ZNF331: variants seen among roughly 807,000 people sequenced by gnomAD.
ZNF331 encodes the protein C2H2-like zinc finger protein rearranged in thyroid adenomas.
Under a neutral mutation model 7.0 loss-of-function variants are expected in ZNF331, and 2 were observed. The ratio of observed to expected loss-of-function variants is 0.29; its 90% confidence interval spans 0.12 to 0.90. ZNF331 has a LOEUF of 0.90. Ranked by LOEUF, ZNF331 falls within the 40% of genes least tolerant of loss-of-function variation. ZNF331 has a pLI of 0.58. For missense variants in ZNF331, 432 were observed against 587.7 expected (o/e 0.74, Z 2.74); for synonymous variants, 196 against 205.4 (o/e 0.95, Z 0.39).
intron 3 of ZNF331, among the ~76,000 whole-genome samples, chr19:53,567,761 C>T (rs1313570669): frequency 2.0e-5 from 3 of 151,364 alleles, no homozygotes; most frequent in Admixed American, 2.0e-4. Context: ...GAGGATTGCT[C>T]GAGCCCAGGA....
At chr19:53,522,898 G>A (rs1457331617) in intron 2 of ZNF331, among the ~76,000 whole-genome samples, 2 of 152,194 alleles carry the variant, frequency 1.3e-5, no homozygotes, top group African/African-American at 4.8e-5. Context: ...TGATGGTACA[G>A]AAGAGATTAA....
At chr19:53,512,889 C>G in the ZNF331 span, among the ~76,000 whole-genome samples, 1 of 150,104 alleles carries the variant, frequency 6.7e-6, no homozygotes, top group African/African-American at 2.4e-5. Flanking sequence ...AACCATCCCC[C>G]CGTCTGTGGA....
chr19:53,574,702 G>C (rs2090620730), intron 5 of ZNF331, among the ~76,000 whole-genome samples: 1 of 152,182 alleles, frequency 6.6e-6, no homozygotes, highest in East Asian at 1.9e-4. Context: ...CCTGGTGTCT[G>C]GTTGTAGCTC....
At chr19:53,566,958 T>C (rs1600456284) in intron 3 of ZNF331, among the ~76,000 whole-genome samples, 1 of 152,138 alleles carries the variant, frequency 6.6e-6, no homozygotes, top group African/African-American at 2.4e-5. Flanking sequence ...TCTCCATATA[T>C]ATACATGTGT....
At chr19:53,526,017 G>A (rs2087280662) in intron 2 of ZNF331, among the ~76,000 whole-genome samples, 1 of 152,074 alleles carries the variant, frequency 6.6e-6, no homozygotes, top group South Asian at 2.1e-4. Flanking sequence ...TGCTTTTTCT[G>A]GATCTATTGT....
At position 53,577,604 on chromosome 19, in the gene ZNF331, A is replaced by G. The variant is rs778500114; in HGVS notation, c.1044A>G (p.Ile348Met). Residue 348 changes from isoleucine (I) to methionine (M), a missense_variant, in exon 6 of 6, where the codon ATA (isoleucine) becomes ATG (methionine). By Grantham distance (10) the Ile-to-Met change is conservative. Coordinates refer to ENST00000449416, the MANE Select transcript of ZNF331 (RefSeq NM_001079906.2). The stretch of plus-strand genomic sequence containing the variant: ...CGAGCCTCGTTAAGCACGAGAGGAT[A>G]CATACGGGCGAGAAGCCGTACAAGT... Reference protein sequence around the residue: ...WGSSLVKHERIHTGEKPYKCT... With the variant: ...WGSSLVKHERMHTGEKPYKCT... The G allele has an allele frequency of 1.2e-6, 2 of 1,612,956 alleles. No homozygotes were observed. The highest frequency in any genetic ancestry group is 1.1e-5 in the South Asian group (1 of 90,994).
At chr19:53,569,195 G>A in intron 3 of ZNF331, 109 bp from the exon 4 acceptor site, 2 of 614,636 alleles carry the variant, frequency 3.3e-6, no homozygotes, top group Non-Finnish European at 5.8e-6. Flanking sequence ...ATATGTCACG[G>A]TTATGTGTTT....
chr19:53,513,861 T>C, the ZNF331 span, among the ~76,000 whole-genome samples: 3 of 152,134 alleles, frequency 2.0e-5, no homozygotes, highest in Non-Finnish European at 2.9e-5. Context: ...CCACTATGCT[T>C]GGCCTTCCAA....
chr19:53,530,824 G>T (rs1385594102), intron 2 of ZNF331, among the ~76,000 whole-genome samples: 4 of 152,272 alleles, frequency 2.6e-5, no homozygotes, highest in Non-Finnish European at 5.9e-5. Context: ...GCGTGGGCGT[G>T]TGTGGGGTTG....
chr19:53,529,563 C>T (rs2087450423), intron 2 of ZNF331, among the ~76,000 whole-genome samples: 1 of 152,140 alleles, frequency 6.6e-6, no homozygotes, highest in African/African-American at 2.4e-5. Context: ...TTTCTTACAA[C>T]TGCATGTGAA....
In ZNF331 at chr19:53,577,513, A is replaced by G. The variant is rs2090774212; in HGVS notation, c.953A>G (p.Gln318Arg). The G allele has an allele frequency of 1.9e-6, 3 of 1,612,748 alleles. No homozygotes were observed. Among genetic ancestry groups the G allele is most frequent in the South Asian group, 1.1e-5 (1 of 91,082 alleles). Residue 318 changes from glutamine to arginine, a missense_variant, in exon 6 of 6, where the codon CAG becomes CGG. This residue lies in a region of ZNF331 where 312 missense variants were observed against 448.6 expected (regional missense o/e 0.70). Transcript: ENST00000449416. ...FTRVNYLTQH[Q>R]KIHTGEKPHE... ...CGAGTCAATTACCTTACTCAGCATC[A>G]GAAGATCCACACCGGTGAGAAGCCT...
Position 53,577,045 on chromosome 19 carries a change from A to T in ZNF331, c.485A>T (p.Lys162Ile), listed in dbSNP as rs746111623. 2 of 1,613,672 alleles carry T rather than the reference A, an allele frequency of 1.2e-6. No homozygotes were observed. Among genetic ancestry groups the T allele is most frequent in the East Asian group, 2.2e-5 (1 of 44,862 alleles). ...IHTGEKPYEC[K>I]ECKKAFRWGN... ...ACTGGTGAGAAACCTTATGAATGTAAAGAATGTAAGAAGGCCTTCCGTTGG... is the reference window on the plus strand; with the variant it reads ...ACTGGTGAGAAACCTTATGAATGTATAGAATGTAAGAAGGCCTTCCGTTGG... Residue 162 changes from lysine (K) to isoleucine (I), a missense_variant, in exon 6 of 6, where the codon AAA becomes ATA. Physicochemically the swap from Lys to Ile is moderately radical, Grantham distance 102 (BLOSUM62 -3). Transcript: ENST00000449416.
At chr19:53,568,693 G>A (rs1377365808) in intron 3 of ZNF331, among the ~76,000 whole-genome samples, 1 of 151,284 alleles carries the variant, frequency 6.6e-6, no homozygotes. Flanking sequence ...ATCCGTCCCC[G>A]ACAGGGAGCT....
rs1029338385 is a variant in ZNF331, at chr19:53,558,725, A to G, written c.-74+2817A>G. 4.0e-5 allele frequency among the ~76,000 whole-genome samples: 6 copies of G among 151,888 alleles called. No homozygotes were observed. The highest frequency in any genetic ancestry group is 8.8e-5 in the Non-Finnish European group (6 of 67,944). ...CCCGAGGCCTGCTTCTGAGGCTGAA[A>G]GTGCCCTAATATTAAGATTTTACCA... On this transcript the variant is annotated intron_variant, in intron 3 of 5. Coordinates refer to ENST00000449416, the MANE Select transcript of ZNF331 (RefSeq NM_001079906.2). This position sits in a 1 kb window ranked among gnomAD's most constrained non-coding sequence, Gnocchi z 4.5.
At chr19:53,559,795 CGT>C (rs1568514221) in intron 3 of ZNF331, among the ~76,000 whole-genome samples, 2 of 150,120 alleles carry the variant, frequency 1.3e-5, no homozygotes, top group South Asian at 4.2e-4. Flanking sequence ...TATACACACA[CGT>C]ATATACATAT....
At chr19:53,532,234 ATC>A (rs1182909929) in intron 2 of ZNF331, among the ~76,000 whole-genome samples, 2 of 152,142 alleles carry the variant, frequency 1.3e-5, no homozygotes, top group Admixed American at 6.6e-5. Context: ...GTAGCCATTC[ATC>A]TCCCTATTCC....
chr19:53,504,577 C>T, the ZNF331 span, among the ~76,000 whole-genome samples: 2 of 152,120 alleles, frequency 1.3e-5, no homozygotes, highest in Non-Finnish European at 2.9e-5. Flanking sequence ...AACACACGTG[C>T]CTCATCTCTG....
intron 5 of ZNF331, among the ~76,000 whole-genome samples, chr19:53,572,134 A>G (rs566450720): frequency 6.6e-6 from 1 of 152,308 alleles, no homozygotes; most frequent in Admixed American, 6.5e-5. Flanking sequence ...CTAGTAAACC[A>G]GCCTATGTGT....
At chr19:53,561,350 AAAC>A (rs869231341) in intron 3 of ZNF331, among the ~76,000 whole-genome samples, 27 of 151,868 alleles carry the variant, frequency 1.8e-4, no homozygotes, top group Non-Finnish European at 3.5e-4. Flanking sequence ...AAAAAAAAAA[AAAC>A]AAATTAGTCC....
Sources: gnomAD v4.1 joint callset for allele counts (sites outside exome capture counted in the v4.1 genomes callset) on GRCh38, gnomAD v4.1.1 for gene constraint, gnomAD v4.1.1 regional missense constraint, Gnocchi (gnomAD v3.1) non-coding constraint, MANE v1.5 for transcripts, NCBI Gene and HGNC (gene_info 2026-07-23, HGNC 2026-07-21) for gene names.